The following CDH4 variants were observed in gnomAD, a reference collection of about 807,000 sequenced individuals.
CDH4 encodes the protein cadherin-4.
A neutral mutation model predicts 86.0 loss-of-function variants in CDH4; 33 were observed. The observed-to-expected ratio is 0.38, with a 90% CI of 0.29 to 0.51. The LOEUF (loss-of-function observed/expected upper bound fraction) is 0.51, where lower values mean the gene tolerates loss of function less well. Ranked by LOEUF, CDH4 falls within the 20% of genes least tolerant of loss-of-function variation. The pLI is 0.86. For missense variants in CDH4, 1,114 were observed against 1,307.4 expected (o/e 0.85, Z 2.28); for synonymous variants, 555 against 549.4 (o/e 1.01, Z -0.14).
intron 2 of CDH4, among the ~76,000 whole-genome samples, chr20:61,577,356 GT>G (rs1397841593): frequency 6.6e-6 from 1 of 151,572 alleles, no homozygotes; most frequent in African/African-American, 2.4e-5. Context: ...ATGAGTGGAT[GT>G]TTTGTGTGTT....
At chr20:61,296,528 C>A (rs1176109058) in intron 2 of CDH4, among the ~76,000 whole-genome samples, 2 of 151,990 alleles carry the variant, frequency 1.3e-5, no homozygotes, top group African/African-American at 4.8e-5. Context: ...CCCCCCAAAC[C>A]CTCCCTCCCC....
chr20:61,294,413 TC>T (rs1467624216), intron 2 of CDH4, among the ~76,000 whole-genome samples: 2 of 151,960 alleles, frequency 1.3e-5, no homozygotes, highest in East Asian at 3.9e-4. Flanking sequence ...TGCACTGAGA[TC>T]CCCCCGGGGC....
chr20:61,823,639 G>A (rs888355497), intron 4 of CDH4, among the ~76,000 whole-genome samples: 7 of 152,128 alleles, frequency 4.6e-5, no homozygotes, highest in Non-Finnish European at 8.8e-5. Flanking sequence ...TGAACCCAGA[G>A]CTCTTTGTAT....
intron 3 of CDH4, among the ~76,000 whole-genome samples, chr20:61,758,563 C>T (rs981344789): frequency 2.6e-5 from 4 of 152,184 alleles, no homozygotes; most frequent in African/African-American, 7.2e-5. Flanking sequence ...ACCTCCCAGC[C>T]AAGGATGTCT....
At chr20:61,451,731 G>A (rs2085382098) in intron 2 of CDH4, among the ~76,000 whole-genome samples, 1 of 152,090 alleles carries the variant, frequency 6.6e-6, no homozygotes, top group Non-Finnish European at 1.5e-5. Context: ...GAGGCTGGGA[G>A]GAAGGCCTCC....
rs113647428 is a variant in CDH4, at chr20:61,840,716, C to T, written c.577-3952C>T. On this transcript the variant is annotated intron_variant, in intron 4 of 15. Coordinates refer to ENST00000614565, the MANE Select transcript of CDH4 (RefSeq NM_001794.5). ...CGGTGTTTGTCTCATTTGCCAGACA[C>T]AAATCAAGTGGAAAACTGTTCTCCC... Among the ~76,000 whole-genome samples the T allele has an allele frequency of 3.9e-5, 6 of 152,370 alleles. No homozygotes were observed. In the South Asian group the frequency reaches 1.2e-3, roughly 32 times the overall value.
chr20:61,731,543 GGCAGCCTCAGCTCCTCCACATCCT>G, intron 2 of CDH4, among the ~76,000 whole-genome samples: 1 of 152,318 alleles, frequency 6.6e-6, no homozygotes, highest in African/African-American at 2.4e-5. Flanking sequence ...GAGGCTTCAG[GGCAGCCTCAGCTCCTCCACATCCT>G]GCTGCTCAGC....
At chr20:61,656,225 G>A (rs2087185811) in intron 2 of CDH4, among the ~76,000 whole-genome samples, 1 of 102,756 alleles carries the variant, frequency 9.7e-6, no homozygotes, top group African/African-American at 3.4e-5. Flanking sequence ...AGGCGGGCAG[G>A]CGCGTGCTGG....
At chr20:61,365,817 A>G (rs545966299) in intron 2 of CDH4, among the ~76,000 whole-genome samples, 2 of 152,206 alleles carry the variant, frequency 1.3e-5, no homozygotes, top group South Asian at 4.2e-4. Context: ...TCAGATCAAC[A>G]ATCAATAGGA....
At chr20:61,858,528 T>G (rs565711067) in intron 6 of CDH4, among the ~76,000 whole-genome samples, 1 of 152,262 alleles carries the variant, frequency 6.6e-6, no homozygotes, top group South Asian at 2.1e-4. Context: ...TGTGTCTGTG[T>G]GTCTGCGTCT....
At chr20:61,254,194 G>A (rs1416246124) in intron 1 of CDH4, among the ~76,000 whole-genome samples, 3 of 152,158 alleles carry the variant, frequency 2.0e-5, no homozygotes, top group African/African-American at 4.8e-5. Context: ...GGGCTCCGAG[G>A]GTGAAAATGC....
intron 2 of CDH4, among the ~76,000 whole-genome samples, chr20:61,652,938 A>ATTTATTTTTTTT (rs1555819716): frequency 1.0e-5 from 1 of 97,402 alleles, no homozygotes. Context: ...TTATTTATTT[A>ATTTATTTTTTTT]TTTTTTTTTT....
chr20:61,643,092 GTCTT>G (rs2087027721), intron 2 of CDH4, among the ~76,000 whole-genome samples: 1 of 152,146 alleles, frequency 6.6e-6, no homozygotes, highest in Non-Finnish European at 1.5e-5. Context: ...GAAAATGAAT[GTCTT>G]TCTTTTAGTT....
intron 2 of CDH4, among the ~76,000 whole-genome samples, chr20:61,368,017 C>T (rs1043352477): frequency 6.6e-6 from 1 of 151,768 alleles, no homozygotes. Context: ...ATTACAGGTG[C>T]CCACCACCAC....
At chr20:61,726,523 G>T (rs771418637) in intron 2 of CDH4, among the ~76,000 whole-genome samples, 9 of 152,098 alleles carry the variant, frequency 5.9e-5, no homozygotes, top group Non-Finnish European at 1.3e-4. Flanking sequence ...CTCGAGTTTG[G>T]TACATTCCCA....
intron 2 of CDH4, among the ~76,000 whole-genome samples, chr20:61,563,953 T>C (rs571069575): frequency 1.3e-5 from 2 of 152,288 alleles, no homozygotes; most frequent in South Asian, 2.1e-4. Flanking sequence ...CTTTCTTCCA[T>C]TGGCCTCTCA....
intron 2 of CDH4, among the ~76,000 whole-genome samples, chr20:61,546,140 ATTTG>A (rs1329032950): frequency 1.6e-4 from 3 of 18,472 alleles, no homozygotes; most frequent in Non-Finnish European, 2.1e-4. Context: ...GGGATACGGT[ATTTG>A]TTCACATTCG....
At position 61,252,600 on chromosome 20, in the gene CDH4, C is replaced by T. The variant is rs1434042431; in HGVS notation, c.57+30C>T. The T allele has an allele frequency of 5.3e-5, 63 of 1,192,878 alleles. No homozygotes were observed. The highest frequency in any genetic ancestry group is 6.5e-5 in the Non-Finnish European group (62 of 960,496). The allele number at this position is 1,192,878 out of a possible 1,614,324, so 73.9% of individuals were successfully genotyped here. A position where few individuals can be genotyped will look rare whatever the true frequency, so the allele number is the denominator to read the frequency against. ...GTTGCCGCCTCCCGCCCCCGCCGTT[C>T]GGAAGCCCCGGGCAGCGGGAGGTCG... On this transcript the variant is annotated intron_variant, in intron 1 of 15. Coordinates refer to ENST00000614565, the MANE Select transcript of CDH4 (RefSeq NM_001794.5). This position sits in a 1 kb window ranked among gnomAD's most constrained non-coding sequence, Gnocchi z 4.4.
chr20:61,792,791 C>G (rs1324596052), intron 4 of CDH4, among the ~76,000 whole-genome samples: 1 of 152,016 alleles, frequency 6.6e-6, no homozygotes, highest in Non-Finnish European at 1.5e-5. Flanking sequence ...GCTGGGATTA[C>G]AGGTGTGCAT....
Sources: allele counts gnomAD v4.1 joint callset (sites outside exome capture counted in the v4.1 genomes callset), GRCh38; gene constraint gnomAD v4.1.1; non-coding constraint Gnocchi (gnomAD v3.1); transcripts MANE v1.5; gene names NCBI Gene and HGNC (gene_info 2026-07-23, HGNC 2026-07-21).